CTDP1: variants seen among roughly 807,000 people sequenced by gnomAD.
CTDP1 encodes RNA polymerase II subunit A C-terminal domain phosphatase.
In CTDP1, 47 loss-of-function variants were observed where a neutral mutation model predicts 91.8. That is an observed-to-expected ratio of 0.51 (90% CI 0.41 to 0.65). The LOEUF (loss-of-function observed/expected upper bound fraction) is 0.65, where lower values mean the gene tolerates loss of function less well. Ranked by LOEUF, CTDP1 falls within the 30% of genes least tolerant of loss-of-function variation. The pLI is 0.00. For missense variants in CTDP1, 1,272 were observed against 1,373.7 expected, an observed-to-expected ratio of 0.93 and a Z score of 1.17; for synonymous variants, 656 against 598.5, an observed-to-expected ratio of 1.10 and a Z score of -1.40.
chr18:79,680,386 C>G (rs542530139), intron 1 of CTDP1, 125 bp downstream of exon 1: 1 of 734,120 alleles, frequency 1.4e-6, no homozygotes, highest in East Asian at 3.6e-5. Context: ...TAAAGCGGGA[C>G]GCAGGCACTG....
At chr18:79,741,504 C>T (rs573042890) in intron 12 of CTDP1, among the ~76,000 whole-genome samples, 1 of 152,338 alleles carries the variant, frequency 6.6e-6, no homozygotes, top group African/African-American at 2.4e-5. Flanking sequence ...GATCTGTTGA[C>T]AGAGACAACA....
chr18:79,752,487 T>C (rs2087023079), intron 12 of CTDP1, among the ~76,000 whole-genome samples: 1 of 21,684 alleles, frequency 4.6e-5, no homozygotes, highest in East Asian at 1.1e-3. Context: ...GAAAGCCTAG[T>C]GGCACCGGCT....
At chr18:79,696,510 G>A (rs1290291883) in intron 3 of CTDP1, among the ~76,000 whole-genome samples, 2 of 152,116 alleles carry the variant, frequency 1.3e-5, no homozygotes, top group African/African-American at 2.4e-5. Flanking sequence ...GCGAGGAGTC[G>A]GTGGCCGGGG....
At chr18:79,686,865 T>C (rs1372424635) in intron 1 of CTDP1, among the ~76,000 whole-genome samples, 1 of 150,196 alleles carries the variant, frequency 6.7e-6, no homozygotes, top group East Asian at 2.0e-4. Context: ...AGTTCACTGG[T>C]GGGCCTGCAC....
chr18:79,727,338 G>A (rs1441420277), intron 10 of CTDP1, among the ~76,000 whole-genome samples: 1 of 152,204 alleles, frequency 6.6e-6, no homozygotes, highest in South Asian at 2.1e-4. Context: ...CACAGCGTTC[G>A]CGGTGTTCGC....
chr18:79,717,902 G>T lies in CTDP1; in HGVS notation c.2303G>T (p.Gly768Val). 6.2e-7 allele frequency: 1 copy of T among 1,613,534 alleles called. No individual in the cohort carries two copies. Among genetic ancestry groups the T allele is most frequent in the Non-Finnish European group, 8.5e-7 (1 of 1,180,022 alleles). ...CCGGTTCTTCCCAAGGCCCAGCCTG[G>T]CCCCGAGGTTCGGATCTACGACTCC... ...PMPVLPKAQP[G>V]PEVRIYDSNT... The change falls in exon 10 of 13, where the codon GGC (glycine) becomes GTC (valine). Residue 768 changes from glycine (G) to valine (V), a missense_variant. Around this residue, in one of 3 missense-constraint regions of CTDP1, gnomAD observed 881 missense variants for 911.6 expected, o/e 0.97. Transcript: ENST00000613122.
intron 11 of CTDP1, among the ~76,000 whole-genome samples, chr18:79,731,355 G>A (rs1180683585): frequency 1.3e-5 from 2 of 152,214 alleles, no homozygotes; most frequent in Non-Finnish European, 2.9e-5. Context: ...CAGAGGAGAG[G>A]CAAAGTTGCT....
chr18:79,726,896 T>A, intron 10 of CTDP1, among the ~76,000 whole-genome samples: 1 of 41,742 alleles, frequency 2.4e-5, no homozygotes, highest in South Asian at 1.2e-3. Flanking sequence ...TGCTGGTGGA[T>A]GGCTGTCGGG....
chr18:79,712,886 A>T, intron 6 of CTDP1, 86 bp from the exon 7 acceptor site: 1 of 1,423,714 alleles, frequency 7.0e-7, no homozygotes, highest in Non-Finnish European at 9.8e-7. Context: ...CATGTGGATT[A>T]GAATCTTAAA....
At chr18:79,727,861 A>G (rs2086482415) in intron 10 of CTDP1, among the ~76,000 whole-genome samples, 1 of 151,974 alleles carries the variant, frequency 6.6e-6, no homozygotes, top group East Asian at 1.9e-4. Flanking sequence ...GGGCCGCACC[A>G]CCCCTTTCCC....
At chr18:79,738,498 C>CAG (rs2086712265) in intron 12 of CTDP1, among the ~76,000 whole-genome samples, 1 of 152,248 alleles carries the variant, frequency 6.6e-6, no homozygotes, top group Non-Finnish European at 1.5e-5. Context: ...CCAGCTTCAG[C>CAG]AGGCTAGCAG....
Position 79,753,850 on chromosome 18 carries a change from C to T in CTDP1, c.*60C>T, listed in dbSNP as rs561317107. On this transcript the variant is annotated 3_prime_UTR_variant, in exon 13 of 13. Transcript: ENST00000613122. ...ACCTCCAGCAGCACTCGGACGTCCC[C>T]GGACCAGCCCTCAGTCTCGGTCCAC... 96 of 1,580,900 alleles carry T rather than the reference C, an allele frequency of 6.1e-5. No homozygotes were observed. In the Admixed American group the frequency reaches 8.9e-4, roughly 15 times the overall value.
intron 10 of CTDP1, 105 bp downstream of exon 10, chr18:79,718,121 G>A (rs1159394913): frequency 6.2e-5 from 83 of 1,329,666 alleles, no homozygotes; most frequent in Admixed American, 4.2e-4. Flanking sequence ...GAGGGCGGGT[G>A]GAGGCTGCAG....
intron 10 of CTDP1, among the ~76,000 whole-genome samples, chr18:79,724,520 G>A (rs1320565116): frequency 6.6e-6 from 1 of 152,192 alleles, no homozygotes; most frequent in Non-Finnish European, 1.5e-5. Flanking sequence ...GGTTGTGGCT[G>A]TAACCTGCAT....
chr18:79,726,991 G>A (rs898676858), intron 10 of CTDP1, among the ~76,000 whole-genome samples: 4 of 149,452 alleles, frequency 2.7e-5, no homozygotes, highest in Admixed American at 6.7e-5. Context: ...GTGGGGTGAC[G>A]CCGTTGCTGG....
chr18:79,701,056 C>T (rs972552966), intron 4 of CTDP1, among the ~76,000 whole-genome samples: 13 of 152,208 alleles, frequency 8.5e-5, no homozygotes, highest in African/African-American at 3.1e-4. Flanking sequence ...AGAGATTCTT[C>T]TAAGAAATAT....
In CTDP1 at chr18:79,680,021, CGGGGCCCGCGCCGCTGCGCCTGCTG is replaced by C; in HGVS notation, c.76_100del (p.Gly26SerfsTer35). ...GCGGCTGTGGCCGAGGTGCGCTGCC[CGGGGCCCGCGCCGCTGCGCCTGCTG>C]GAGTGGAGGGTGGCGGCGGGCGCGG... On this transcript the variant is annotated frameshift_variant, in exon 1 of 13. Coordinates refer to ENST00000613122, the MANE Select transcript of CTDP1 (RefSeq NM_004715.5). LOFTEE classifies it high-confidence loss of function. The C allele has an allele frequency of 7.9e-7, 1 of 1,271,114 alleles. No homozygotes were observed. Among genetic ancestry groups the C allele is most frequent in the Non-Finnish European group, 9.9e-7 (1 of 1,012,622 alleles). The allele number at this position is 1,271,114 out of a possible 1,614,324, so 78.7% of individuals were successfully genotyped here. A position where few individuals can be genotyped will look rare whatever the true frequency, so the allele number is the denominator to read the frequency against.
Position 79,681,507 on chromosome 18 carries a change from G to A in CTDP1, c.314+1246G>A. 5.1e-6 allele frequency: 5 copies of A among 985,010 alleles called. No homozygotes were observed. The South Asian group carries it at 2.4e-4, about 46-fold the overall frequency. The allele number at this position is 985,010 out of a possible 1,614,324, so 61.0% of individuals were successfully genotyped here. A position where few individuals can be genotyped will look rare whatever the true frequency, so the allele number is the denominator to read the frequency against. ...CTGATTGTACAGAAAGGGCTGCTTT[G>A]GCCTAGACAGGTGAGTAACTTGGTT... On this transcript the variant is annotated intron_variant, in intron 1 of 12. Coordinates refer to ENST00000613122, the MANE Select transcript of CTDP1 (RefSeq NM_004715.5).
chr18:79,695,523 G>T (rs1050249302), intron 2 of CTDP1, among the ~76,000 whole-genome samples: 1 of 152,222 alleles, frequency 6.6e-6, no homozygotes, highest in African/African-American at 2.4e-5. Flanking sequence ...CCATTCTCAG[G>T]TGTGGTGGGG....
Sources: allele counts gnomAD v4.1 joint callset (sites outside exome capture counted in the v4.1 genomes callset), GRCh38; gene constraint gnomAD v4.1.1; regional missense constraint gnomAD v4.1.1; transcripts MANE v1.5; gene names NCBI Gene and HGNC (gene_info 2026-07-23, HGNC 2026-07-21).